The following HTR7 variants were observed in gnomAD, a reference collection of about 807,000 sequenced individuals.
HTR7 encodes the protein 5-hydroxytryptamine receptor 7, also known as 5-HT-7.
In HTR7, 16 loss-of-function variants were observed where a neutral mutation model predicts 34.0. That is an observed-to-expected ratio of 0.47 (90% CI 0.32 to 0.71). The LOEUF (loss-of-function observed/expected upper bound fraction) is 0.71, where lower values mean the gene tolerates loss of function less well. Among genes scored for constraint, HTR7 ranks in the 30% least tolerant of loss-of-function variants. The probability of loss-of-function intolerance (pLI) is 0.04; values close to 1 mark genes in which losing one functional copy is unlikely to be tolerated. For missense variants in HTR7, 504 were observed against 625.5 expected, an observed-to-expected ratio of 0.81 and a Z score of 2.07; for synonymous variants, 265 against 260.2, an observed-to-expected ratio of 1.02 and a Z score of -0.18.
chr10:90,828,174 A>G (rs1158521002), intron 1 of HTR7, among the ~76,000 whole-genome samples: 2 of 152,242 alleles, frequency 1.3e-5, no homozygotes, highest in Non-Finnish European at 2.9e-5. Context: ...ATGATAATGG[A>G]AACACAACAT....
chr10:90,826,567 A>G (rs907359313), intron 1 of HTR7, among the ~76,000 whole-genome samples: 1 of 152,250 alleles, frequency 6.6e-6, no homozygotes. Context: ...AGATATAAAT[A>G]GAAACAACAA....
chr10:90,743,752 A>G lies in HTR7; in HGVS notation c.1296-62T>C, dbSNP rs964640230. The G allele has an allele frequency of 1.4e-5, 17 of 1,244,390 alleles. No homozygotes were observed. In the Admixed American group the frequency reaches 2.9e-4, roughly 22 times the overall value. The allele number at this position is 1,244,390 out of a possible 1,614,324, so 77.1% of individuals were successfully genotyped here. A position where few individuals can be genotyped will look rare whatever the true frequency, so the allele number is the denominator to read the frequency against. On this transcript the variant is annotated intron_variant, in intron 2 of 3. Transcript: ENST00000336152. The stretch of plus-strand genomic sequence containing the variant: ...AAATCAAATTTTAAAAGAAAAAAAG[A>G]ATCCTTGATTATATTTCATTATCAT...
chr10:90,788,137 G>A (rs914275718), intron 1 of HTR7, among the ~76,000 whole-genome samples: 1 of 152,078 alleles, frequency 6.6e-6, no homozygotes, highest in African/African-American at 2.4e-5. Flanking sequence ...ATTATGGAAT[G>A]GTTGACAGCC....
chr10:90,831,739 A>G (rs1423684209), intron 1 of HTR7, among the ~76,000 whole-genome samples: 2 of 152,174 alleles, frequency 1.3e-5, no homozygotes, highest in Non-Finnish European at 2.9e-5. Context: ...TCCCTGAGCT[A>G]GACACAAAAG....
chr10:90,760,789 G>A (rs1844922838), intron 1 of HTR7, among the ~76,000 whole-genome samples: 1 of 152,142 alleles, frequency 6.6e-6, no homozygotes, highest in Admixed American at 6.5e-5. Flanking sequence ...GCTGAGGAGG[G>A]AGAATTGCTT....
chr10:90,812,725 C>T (rs1164020193), intron 1 of HTR7, among the ~76,000 whole-genome samples: 1 of 152,128 alleles, frequency 6.6e-6, no homozygotes, highest in African/African-American at 2.4e-5. Flanking sequence ...TCTCTCTCTC[C>T]ATACCACCCC....
chr10:90,822,129 G>A (rs577749459), intron 1 of HTR7, among the ~76,000 whole-genome samples: 8 of 152,308 alleles, frequency 5.3e-5, no homozygotes, highest in African/African-American at 7.2e-5. Context: ...CTGGGTAATA[G>A]GCAGAGTTTA....
At chr10:90,776,913 T>C (rs1381844457) in intron 1 of HTR7, among the ~76,000 whole-genome samples, 1 of 152,204 alleles carries the variant, frequency 6.6e-6, no homozygotes, top group Non-Finnish European at 1.5e-5. Flanking sequence ...TCTAATTAAT[T>C]GAAGGTCTTA....
At chr10:90,755,151 C>T (rs1844816742) in intron 1 of HTR7, among the ~76,000 whole-genome samples, 1 of 152,166 alleles carries the variant, frequency 6.6e-6, no homozygotes, top group Non-Finnish European at 1.5e-5. Flanking sequence ...TTATACTTAC[C>T]ACATGAAGGG....
intron 1 of HTR7, among the ~76,000 whole-genome samples, chr10:90,840,673 A>G (rs1389137226): frequency 6.6e-6 from 1 of 152,196 alleles, no homozygotes; most frequent in Non-Finnish European, 1.5e-5. Flanking sequence ...ATATTAACAC[A>G]ACAACACTAC....
At chr10:90,802,310 C>T (rs1845640222) in intron 1 of HTR7, among the ~76,000 whole-genome samples, 1 of 152,242 alleles carries the variant, frequency 6.6e-6, no homozygotes, top group African/African-American at 2.4e-5. Context: ...AAGTAACACA[C>T]TGTTCTGAAT....
At chr10:90,821,835 A>T (rs1322030961) in intron 1 of HTR7, among the ~76,000 whole-genome samples, 2 of 150,558 alleles carry the variant, frequency 1.3e-5, no homozygotes, top group Non-Finnish European at 3.0e-5. Flanking sequence ...TTGAAAGTAT[A>T]TAGCACCTCC....
intron 1 of HTR7, among the ~76,000 whole-genome samples, chr10:90,776,262 T>G (rs1233438496): frequency 6.6e-6 from 1 of 152,244 alleles, no homozygotes; most frequent in Non-Finnish European, 1.5e-5. Context: ...GTAAATACTT[T>G]AATCATGAAA....
At chr10:90,766,635 TAACCTGAAG>T in intron 1 of HTR7, among the ~76,000 whole-genome samples, 1 of 152,368 alleles carries the variant, frequency 6.6e-6, no homozygotes, top group South Asian at 2.1e-4. Flanking sequence ...TCTTCCTTTG[TAACCTGAAG>T]ATTTTTTGTA....
At chr10:90,815,577 G>A (rs979503846) in intron 1 of HTR7, among the ~76,000 whole-genome samples, 1 of 152,152 alleles carries the variant, frequency 6.6e-6, no homozygotes, top group Non-Finnish European at 1.5e-5. Context: ...CCTTTTGTGG[G>A]GGGCCTGAGG....
intron 1 of HTR7, among the ~76,000 whole-genome samples, chr10:90,837,276 G>GA (rs1389880244): frequency 6.6e-6 from 1 of 152,134 alleles, no homozygotes; most frequent in Non-Finnish European, 1.5e-5. Flanking sequence ...CATGTGCCAA[G>GA]AACTTTTTAA....
At position 90,749,678 on chromosome 10, in the gene HTR7, G is replaced by T. The variant is rs1357930110; in HGVS notation, c.540-84C>A. The T allele has an allele frequency of 6.1e-6, 8 of 1,303,800 alleles. No individual in the cohort carries two copies. The highest frequency in any genetic ancestry group is 1.4e-5 in the South Asian group (1 of 71,898). 80.8% of individuals were successfully genotyped at this position (1,303,800 alleles called of 1,614,324 possible). On this transcript the variant is annotated intron_variant, in intron 1 of 3. Coordinates refer to ENST00000336152, the MANE Select transcript of HTR7 (RefSeq NM_019859.4). This position sits in a 1 kb window ranked among gnomAD's most constrained non-coding sequence, Gnocchi z 4.2. Reference sequence around the variant, plus strand: ...CAAGTCCTGCCAGCCAGGTACCAGCGCCAGTCCTCGCAACAGCCCTTCTAG... The same window carrying T: ...CAAGTCCTGCCAGCCAGGTACCAGCTCCAGTCCTCGCAACAGCCCTTCTAG...
intron 1 of HTR7, among the ~76,000 whole-genome samples, chr10:90,840,177 T>TCACACACACACACA (rs35170324): frequency 2.9e-5 from 4 of 136,802 alleles, no homozygotes; most frequent in African/African-American, 1.1e-4. Flanking sequence ...TCTCTCTCTC[T>TCACACACACACACA]CACACACACA....
chr10:90,761,082 T>A (rs1844927304), intron 1 of HTR7, among the ~76,000 whole-genome samples: 1 of 152,154 alleles, frequency 6.6e-6, no homozygotes, highest in African/African-American at 2.4e-5. Flanking sequence ...AATTTTTTAA[T>A]CAATCAACTT....
Sources: gnomAD v4.1 joint callset for allele counts (sites outside exome capture counted in the v4.1 genomes callset) on GRCh38, gnomAD v4.1.1 for gene constraint, Gnocchi (gnomAD v3.1) non-coding constraint, MANE v1.5 for transcripts, NCBI Gene and HGNC (gene_info 2026-07-23, HGNC 2026-07-21) for gene names.